Variants in GPC6 observed in about 807,000 individuals in gnomAD.
GPC6 encodes the protein glypican-6.
Under a neutral mutation model 55.2 loss-of-function variants are expected in GPC6, and 14 were observed. That is an observed-to-expected ratio of 0.25 (90% confidence interval 0.17 to 0.40). The LOEUF is 0.40. Among genes scored for constraint, GPC6 ranks in the 10% least tolerant of loss-of-function variants. GPC6 has a pLI of 1.00. For missense variants in GPC6, 641 were observed against 708.5 expected, an observed-to-expected ratio of 0.90 and a Z score of 1.08; for synonymous variants, 278 against 259.6, an observed-to-expected ratio of 1.07 and a Z score of -0.68.
At chr13:93,948,231 A>T (rs943830238) in intron 3 of GPC6, among the ~76,000 whole-genome samples, 1 of 152,178 alleles carries the variant, frequency 6.6e-6, no homozygotes, top group Non-Finnish European at 1.5e-5. Context: ...CCATTAAATG[A>T]TTATATTCCT....
At chr13:94,077,601 AGGCTTGTTATATAT>A (rs1179791854) in intron 4 of GPC6, among the ~76,000 whole-genome samples, 1 of 151,816 alleles carries the variant, frequency 6.6e-6, no homozygotes, top group Non-Finnish European at 1.5e-5. Flanking sequence ...TGTTAGCTAT[AGGCTTGTTATATAT>A]GGCCTTTATT....
chr13:94,273,449 T>C (rs1471126368), intron 4 of GPC6, among the ~76,000 whole-genome samples: 1 of 152,162 alleles, frequency 6.6e-6, no homozygotes, highest in Non-Finnish European at 1.5e-5. Flanking sequence ...AGAGTTACTA[T>C]GAGAGACTTA....
At chr13:94,322,388 C>G (rs536004816) in intron 6 of GPC6, among the ~76,000 whole-genome samples, 3 of 152,102 alleles carry the variant, frequency 2.0e-5, no homozygotes, top group African/African-American at 7.2e-5. Flanking sequence ...CTACACCTAC[C>G]CAGGCCAATC....
chr13:94,341,606 T>C lies in GPC6; in HGVS notation c.1152+35483T>C, dbSNP rs960803134. ...GTCTCAAAAAAAAAAAAAAAAAGAT[T>C]GTTACTATGCTAAAGAATATATCAT... On this transcript the variant is annotated intron_variant, in intron 6 of 8. Transcript: ENST00000377047. Among the ~76,000 whole-genome samples the C allele has an allele frequency of 3.3e-5, 5 of 151,412 alleles. No homozygotes were observed. In the South Asian group the frequency reaches 1.0e-3, roughly 31 times the overall value.
At chr13:94,271,382 G>GCGCA (rs1491286473) in intron 4 of GPC6, among the ~76,000 whole-genome samples, 95 of 126,754 alleles carry the variant, frequency 7.5e-4, no homozygotes, top group East Asian at 1.3e-3. Flanking sequence ...GCGCGCGCGC[G>GCGCA]CACACACACA....
chr13:93,412,896 G>A (rs142686098), intron 1 of GPC6, among the ~76,000 whole-genome samples: 414 of 152,202 alleles, frequency 2.7e-3, no homozygotes, highest in African/African-American at 9.4e-3. Context: ...CCACAGACCT[G>A]CAATGATTAA....
At chr13:94,060,408 T>C (rs191804640) in intron 4 of GPC6, among the ~76,000 whole-genome samples, 140 of 152,276 alleles carry the variant, frequency 9.2e-4, no homozygotes, top group African/African-American at 3.3e-3. Flanking sequence ...GGCAGGCACA[T>C]AGTAGGTGTT....
intron 1 of GPC6, among the ~76,000 whole-genome samples, chr13:93,236,498 G>A (rs578209910): frequency 6.6e-6 from 1 of 152,248 alleles, no homozygotes; most frequent in Non-Finnish European, 1.5e-5. Context: ...ACAGCAGGAG[G>A]TAACAGTAGG....
chr13:93,941,511 G>A (rs986742103), intron 3 of GPC6, among the ~76,000 whole-genome samples: 5 of 152,164 alleles, frequency 3.3e-5, no homozygotes, highest in Admixed American at 6.5e-5. Flanking sequence ...AGTGCAGTAC[G>A]TACTGCTCCC....
chr13:93,224,130 C>T (rs1423748706), upstream of GPC6, among the ~76,000 whole-genome samples: 1 of 151,594 alleles, frequency 6.6e-6, no homozygotes, highest in Admixed American at 6.6e-5. Context: ...GATCTCCTGA[C>T]CTCGTGATCT....
chr13:93,685,040 A>T (rs1370072277), intron 2 of GPC6, among the ~76,000 whole-genome samples: 1 of 152,202 alleles, frequency 6.6e-6, no homozygotes, highest in Admixed American at 6.5e-5. Context: ...AATTGACTTA[A>T]TATTATGAAT....
intron 1 of GPC6, among the ~76,000 whole-genome samples, chr13:93,530,990 A>C (rs1881843597): frequency 6.6e-6 from 1 of 152,156 alleles, no homozygotes; most frequent in African/African-American, 2.4e-5. Flanking sequence ...TTAACACAAT[A>C]CTGACTCCGT....
chr13:94,360,074 A>G (rs1026649279), intron 6 of GPC6, among the ~76,000 whole-genome samples: 5 of 152,192 alleles, frequency 3.3e-5, no homozygotes, highest in African/African-American at 9.6e-5. Flanking sequence ...ATGCAGCCCT[A>G]TGGGAAAACT....
At chr13:93,546,944 T>C (rs959203929) in intron 2 of GPC6, among the ~76,000 whole-genome samples, 6 of 150,902 alleles carry the variant, frequency 4.0e-5, no homozygotes, top group African/African-American at 9.7e-5. Context: ...ACAGTATTCA[T>C]GGTAGATGAT....
At position 93,545,297 on chromosome 13, in the gene GPC6, A is replaced by G. The variant is rs759121273; in HGVS notation, c.195A>G (p.Thr65=). 3 of 1,613,698 alleles carry G rather than the reference A, an allele frequency of 1.9e-6. No individual in the cohort carries two copies. Among genetic ancestry groups the G allele is most frequent in the South Asian group, 2.2e-5 (2 of 91,080 alleles). The change falls in exon 2 of 9, where the codon ACA becomes ACG. Residue 65 remains threonine, a synonymous_variant. Transcript: ENST00000377047. ...TAAGAATCTGTCCTCAGGAATATACATGCTGCACCACAGAAATGGAAGACA... is the reference window on the plus strand; with the variant it reads ...TAAGAATCTGTCCTCAGGAATATACGTGCTGCACCACAGAAATGGAAGACA... ...EHLRICPQEY[T]CCTTEMEDKL...
intron 2 of GPC6, among the ~76,000 whole-genome samples, chr13:93,692,240 A>G (rs1407238431): frequency 6.6e-6 from 1 of 152,092 alleles, no homozygotes; most frequent in Non-Finnish European, 1.5e-5. Context: ...AATGAAGCAT[A>G]TTTCTGAAAT....
intron 6 of GPC6, among the ~76,000 whole-genome samples, chr13:94,339,750 C>T (rs149940645): frequency 0.015 from 1,433 of 93,870 alleles, 14 homozygotes; most frequent in Non-Finnish European, 0.022. Context: ...TGCATACTTT[C>T]CTTTTTTTTT....
At chr13:94,303,968 G>A (rs1886931) in intron 5 of GPC6, among the ~76,000 whole-genome samples, 151,721 of 152,298 alleles carry the variant, frequency 1, 75,573 homozygotes, top group Middle Eastern at 1. Context: ...CAGCAAGGCC[G>A]TTAGTATTGT....
intron 2 of GPC6, among the ~76,000 whole-genome samples, chr13:93,573,026 T>TA (rs1040222391): frequency 3.9e-5 from 6 of 152,032 alleles, no homozygotes; most frequent in African/African-American, 1.4e-4. Flanking sequence ...GGGAAAAGGT[T>TA]AGAGTATTTC....
Sources: gnomAD v4.1 joint callset for allele counts (sites outside exome capture counted in the v4.1 genomes callset) on GRCh38, gnomAD v4.1.1 for gene constraint, MANE v1.5 for transcripts, NCBI Gene and HGNC (gene_info 2026-07-23, HGNC 2026-07-21) for gene names.